The following TMEM131L variants were observed in gnomAD, a reference collection of about 807,000 sequenced individuals.
TMEM131L encodes the protein transmembrane 131 like.
In TMEM131L, 54 loss-of-function variants were observed where a neutral mutation model predicts 192.2. That is an observed-to-expected ratio of 0.28 (90% CI 0.23 to 0.35). The LOEUF (loss-of-function observed/expected upper bound fraction) is 0.35. Among genes scored for constraint, TMEM131L ranks in the 10% least tolerant of loss-of-function variants. The probability of loss-of-function intolerance (pLI) is 1.00; values close to 1 mark genes in which losing one functional copy is unlikely to be tolerated. For synonymous variants in TMEM131L, 701 were observed against 704.9 expected, an observed-to-expected ratio of 0.99 and a Z score of 0.09; for missense variants, 1,888 against 1,972.9, an observed-to-expected ratio of 0.96 and a Z score of 0.82.
intron 3 of TMEM131L, among the ~76,000 whole-genome samples, chr4:153,491,369 A>C (rs1381826214): frequency 3.9e-5 from 6 of 152,170 alleles, no homozygotes; most frequent in Non-Finnish European, 8.8e-5. Flanking sequence ...TTTTGTCCAC[A>C]CACTTGCTTT....
chr4:153,620,998 T>A lies in TMEM131L; in HGVS notation c.3692+118T>A, dbSNP rs548620745. 80 of 682,222 alleles carry A rather than the reference T, an allele frequency of 1.2e-4. No homozygotes were observed. The African/African-American group carries it at 1.4e-3, about 12-fold the overall frequency. The allele number at this position is 682,222 out of a possible 1,614,324, so 42.3% of individuals were successfully genotyped here. A position where few individuals can be genotyped will look rare whatever the true frequency, so the allele number is the denominator to read the frequency against. On this transcript the variant is annotated intron_variant, in intron 27 of 34. Transcript: ENST00000409959. Reference sequence around the variant, plus strand: ...ATTAGATACCGATAATATGAGAGTGTAAATGTTTATCTCTTAAGATTAAAA... The same window carrying A: ...ATTAGATACCGATAATATGAGAGTGAAAATGTTTATCTCTTAAGATTAAAA...
At position 153,626,135 on chromosome 4, in the gene TMEM131L, C is replaced by G. The variant is rs762050358; in HGVS notation, c.4046-12C>G. ...TTTTGAAACTTGTGATAATGTGTTTCTTTTAATGCAGGAGACAGTGTTTCA... is the reference window on the plus strand; with the variant it reads ...TTTTGAAACTTGTGATAATGTGTTTGTTTTAATGCAGGAGACAGTGTTTCA... On this transcript the variant is annotated splice_polypyrimidine_tract_variant and intron_variant, in intron 29 of 34. Transcript: ENST00000409959. The G allele has an allele frequency of 1.3e-6, 2 of 1,582,432 alleles. No homozygotes were observed. Among genetic ancestry groups the G allele is most frequent in the Non-Finnish European group, 1.7e-6 (2 of 1,152,918 alleles).
intron 26 of TMEM131L, 101 bp downstream of exon 26, chr4:153,612,501 A>G (rs1318778892): frequency 4.5e-6 from 4 of 883,656 alleles, no homozygotes; most frequent in African/African-American, 1.8e-5. Flanking sequence ...ATTTGAATCC[A>G]TATTAATAAC....
rs140033515 is a variant in TMEM131L at position 153,602,531 on chromosome 4, T to C, written c.2454-11T>C. 8 of 1,612,982 alleles carry C rather than the reference T, an allele frequency of 5.0e-6. No individual in the cohort carries two copies. The Admixed American group carries it at 1.3e-4, about 27-fold the overall frequency. ...ATTAAAAGTTCATAAAGATGACTCTTTTATTTTCAGGTTCACTCCAGACTT... is the reference window on the plus strand; with the variant it reads ...ATTAAAAGTTCATAAAGATGACTCTCTTATTTTCAGGTTCACTCCAGACTT... On this transcript the variant is annotated splice_polypyrimidine_tract_variant and intron_variant, in intron 22 of 34. Transcript: ENST00000409959.
At position 153,577,926 on chromosome 4, in the gene TMEM131L, G is replaced by A. The variant is rs1378190734; in HGVS notation, c.661-2900G>A. Among the ~76,000 whole-genome samples the A allele has an allele frequency of 2.0e-5, 3 of 152,224 alleles. No homozygotes were observed. In the East Asian group the frequency reaches 5.8e-4, roughly 29 times the overall value. On this transcript the variant is annotated intron_variant, in intron 7 of 34. Coordinates refer to ENST00000409959, the MANE Select transcript of TMEM131L (RefSeq NM_001131007.2). The stretch of plus-strand genomic sequence containing the variant: ...GACATATAGGTATGGAGAGGACTAA[G>A]CTAGGGGAATCGATGTGGGAGGGTT...
At chr4:153,556,824 A>G in intron 5 of TMEM131L, 142 bp from the exon 6 acceptor site, 1 of 575,998 alleles carries the variant, frequency 1.7e-6, no homozygotes, top group South Asian at 2.3e-5. Context: ...CAGTTTGGGG[A>G]TTCTTAGGGA....
At chr4:153,622,781 CAGAGGTAGCTGA>C (rs1733528382) in intron 28 of TMEM131L, 105 bp from the exon 29 acceptor site, 1 of 920,430 alleles carries the variant, frequency 1.1e-6, no homozygotes, top group African/African-American at 1.6e-5. Flanking sequence ...GCTAGATGAG[CAGAGGTAGCTGA>C]AGGTGAACCT....
chr4:153,496,334 C>G (rs1020966672), intron 3 of TMEM131L, among the ~76,000 whole-genome samples: 8 of 152,146 alleles, frequency 5.3e-5, no homozygotes, highest in Admixed American at 5.2e-4. Flanking sequence ...CGGGGCTGCT[C>G]CATTGCATCG....
intron 7 of TMEM131L, among the ~76,000 whole-genome samples, chr4:153,567,100 G>A (rs1029075973): frequency 2.6e-5 from 4 of 152,214 alleles, no homozygotes; most frequent in African/African-American, 7.2e-5. Flanking sequence ...TAGAAGGGAA[G>A]CTGTAAAATC....
intron 7 of TMEM131L, among the ~76,000 whole-genome samples, chr4:153,571,397 C>A (rs1038618977): frequency 2.0e-5 from 3 of 152,180 alleles, no homozygotes; most frequent in African/African-American, 7.2e-5. Flanking sequence ...ACTGAGCATT[C>A]CACACTCACC....
intron 4 of TMEM131L, 44 bp downstream of exon 4, chr4:153,550,185 T>C: frequency 1.2e-6 from 1 of 833,746 alleles, no homozygotes; most frequent in South Asian, 2.1e-5. Context: ...TTATTTATAC[T>C]ATTTATTTTC....
At position 153,581,347 on chromosome 4, in the gene TMEM131L, T is replaced by G. The variant is rs1730325481; in HGVS notation, c.739-60T>G. ...AATGCTTCTCCTTTCCTCCATAGTT[T>G]GAAACCACAAAGTTGAGATGATTTT... On this transcript the variant is annotated intron_variant, in intron 8 of 34. Coordinates refer to ENST00000409959, the MANE Select transcript of TMEM131L (RefSeq NM_001131007.2). 5.0e-6 allele frequency: 7 copies of G among 1,408,354 alleles called. No homozygotes were observed. In the South Asian group the frequency reaches 7.8e-5, roughly 16 times the overall value. 87.2% of individuals were successfully genotyped at this position (1,408,354 alleles called of 1,614,324 possible).
intron 7 of TMEM131L, among the ~76,000 whole-genome samples, chr4:153,566,518 AGTGTGTGTGTGTGTGTGTGTGTGT>A (rs35949558): frequency 6.9e-6 from 1 of 145,758 alleles, no homozygotes; most frequent in Non-Finnish European, 1.5e-5. Context: ...TGTGAGTGTG[AGTGTGTGTGTGTGTGTGTGTGTGT>A]GTGTGTGTGT....
intron 3 of TMEM131L, among the ~76,000 whole-genome samples, chr4:153,536,905 G>A (rs1365841075): frequency 1.3e-5 from 2 of 152,136 alleles, no homozygotes; most frequent in Non-Finnish European, 2.9e-5. Context: ...ATCCAGCACG[G>A]GAGAAAGCAT....
At chr4:153,606,636 T>C (rs1732259823) in intron 25 of TMEM131L, among the ~76,000 whole-genome samples, 1 of 152,234 alleles carries the variant, frequency 6.6e-6, no homozygotes, top group Non-Finnish European at 1.5e-5. Flanking sequence ...AGAGTTTGCC[T>C]GTATCATTGT....
Position 153,603,211 on chromosome 4 carries a change from G to A in TMEM131L, c.2640-92G>A, listed in dbSNP as rs550471557. 127 of 1,101,138 alleles carry A rather than the reference G, an allele frequency of 1.2e-4. No individual in the cohort carries two copies. In the East Asian group the frequency reaches 2.1e-3, roughly 18 times the overall value. The allele number at this position is 1,101,138 out of a possible 1,614,324, so 68.2% of individuals were successfully genotyped here. On this transcript the variant is annotated intron_variant, in intron 23 of 34. Transcript: ENST00000409959. Reference sequence around the variant, plus strand: ...AATACTGCATCTTCAGATGTTTTTCGTAAATCATTCCCCACTCTTCTGTAA... The same window carrying A: ...AATACTGCATCTTCAGATGTTTTTCATAAATCATTCCCCACTCTTCTGTAA...
chr4:153,571,284 C>A (rs2150613695), intron 7 of TMEM131L, among the ~76,000 whole-genome samples: 1 of 152,320 alleles, frequency 6.6e-6, no homozygotes, highest in Admixed American at 6.5e-5. Flanking sequence ...TTAATGGTTT[C>A]CTCTTTGCTG....
intron 17 of TMEM131L, among the ~76,000 whole-genome samples, chr4:153,591,733 A>G (rs1731081208): frequency 6.6e-6 from 1 of 152,214 alleles, no homozygotes; most frequent in Admixed American, 6.5e-5. Context: ...ATTATAATGT[A>G]TGACTTATCA....
At position 153,582,431 on chromosome 4, in the gene TMEM131L, TTG is replaced by T. The variant is rs1366363809; in HGVS notation, c.893-757_893-756del. ...GGCTAATTTAAACCGTTTTTTTTTG[TTG>T]TTTTTTTTTTTTTTTTTTTTTTTTT... On this transcript the variant is annotated intron_variant, in intron 9 of 34. Coordinates refer to ENST00000409959, the MANE Select transcript of TMEM131L (RefSeq NM_001131007.2). Among the ~76,000 whole-genome samples the T allele has an allele frequency of 1.2e-3, 114 of 97,986 alleles. 18 individuals carry two copies. The highest frequency in any genetic ancestry group is 7.9e-3 in the African/African-American group (100 of 12,626). The allele number at this position is 97,986 out of a possible 152,430, so 64.3% of individuals were successfully genotyped here.
Sources: allele counts gnomAD v4.1 joint callset (sites outside exome capture counted in the v4.1 genomes callset), GRCh38; gene constraint gnomAD v4.1.1; transcripts MANE v1.5; gene names NCBI Gene and HGNC (gene_info 2026-07-23, HGNC 2026-07-21).